The following NUP62CL variants were observed in gnomAD, a reference collection of about 807,000 sequenced individuals.
NUP62CL encodes nucleoporin-62 C-terminal-like protein.
NUP62CL carries 13 observed loss-of-function variants against 15.3 expected under a neutral mutation model. The observed-to-expected ratio is 0.85, with a 90% confidence interval of 0.55 to 1.35. The LOEUF (loss-of-function observed/expected upper bound fraction) is 1.35, where lower values mean the gene tolerates loss of function less well. Ranked by LOEUF, NUP62CL falls within the 40% of genes most tolerant of loss-of-function variation. The probability of loss-of-function intolerance (pLI) is 0.00; values close to 1 mark genes in which losing one functional copy is unlikely to be tolerated. For synonymous variants in NUP62CL, 54 were observed against 49.2 expected (o/e 1.10, Z -0.41); for missense variants, 123 against 130.6 (o/e 0.94, Z 0.28).
chrX:107,142,046 T>C (rs1925781869), intron 8 of NUP62CL, among the ~76,000 whole-genome samples: 1 of 109,677 alleles, frequency 9.1e-6, no homozygotes, highest in Non-Finnish European at 1.9e-5. Flanking sequence ...TGAGGCTCTG[T>C]CTCAAAAAAT....
intron 1 of NUP62CL, among the ~76,000 whole-genome samples, chrX:107,194,288 C>T (rs1228738720): frequency 1.8e-5 from 2 of 111,053 alleles, no homozygotes; most frequent in African/African-American, 3.3e-5. Flanking sequence ...CACACATACC[C>T]GTTATATACA....
chrX:107,184,229 T>G (rs1211687756), intron 2 of NUP62CL, among the ~76,000 whole-genome samples: 1 of 106,819 alleles, frequency 9.4e-6, no homozygotes, highest in African/African-American at 3.4e-5. Context: ...GTAAAACAAA[T>G]TCATCAACAA....
intron 3 of NUP62CL, among the ~76,000 whole-genome samples, chrX:107,169,022 T>A (rs1461000597): frequency 7.1e-5 from 8 of 112,400 alleles, no homozygotes; most frequent in Non-Finnish European, 1.1e-4. Context: ...TCCAATGTAC[T>A]ACTAGCAGCC....
intron 1 of NUP62CL, among the ~76,000 whole-genome samples, chrX:107,195,119 T>C (rs897635311): frequency 2.3e-4 from 26 of 111,193 alleles, no homozygotes; most frequent in African/African-American, 8.2e-4. Context: ...CAGGCCCCAA[T>C]TGTCAACACA....
intron 2 of NUP62CL, among the ~76,000 whole-genome samples, chrX:107,188,268 G>T (rs981773157): frequency 1.8e-5 from 2 of 110,384 alleles, no homozygotes; most frequent in African/African-American, 3.4e-5. Flanking sequence ...ATGACAAGTG[G>T]GATTTATTTC....
intron 8 of NUP62CL, among the ~76,000 whole-genome samples, chrX:107,146,481 G>A (rs936190448): frequency 8.9e-6 from 1 of 112,015 alleles, no homozygotes; most frequent in Non-Finnish European, 1.9e-5. Flanking sequence ...GCCAAGAAAT[G>A]ACAGTTTGAA....
intron 4 of NUP62CL, among the ~76,000 whole-genome samples, chrX:107,156,250 G>T (rs1452726765): frequency 3.6e-5 from 4 of 110,715 alleles, no homozygotes; most frequent in Admixed American, 9.5e-5. Context: ...CAAAGCAGCC[G>T]GGAAGCTCCA....
intron 1 of NUP62CL, among the ~76,000 whole-genome samples, chrX:107,200,157 C>G (rs1299745129): frequency 4.5e-5 from 5 of 111,837 alleles, no homozygotes; most frequent in Non-Finnish European, 9.4e-5. Context: ...ACATCTTAAG[C>G]AGTATAATTT....
In NUP62CL at chrX:107,154,319, C is replaced by T. The variant is rs1341508077; in HGVS notation, c.195-73G>A. 2.6e-5 allele frequency: 22 copies of T among 842,577 alleles called. No homozygotes were observed. In the Admixed American group the frequency reaches 6.6e-4, roughly 25 times the overall value. 69.4% of individuals were successfully genotyped at this position (842,577 alleles called of 1,213,427 possible). On this transcript the variant is annotated intron_variant, in intron 4 of 8. Coordinates refer to ENST00000372466, the MANE Select transcript of NUP62CL (RefSeq NM_017681.3). ...AGTGTGATCAGATTTTAAAAACGAA[C>T]ACAGGAGGACTCTGAGAAGAAAACA...
intron 1 of NUP62CL, among the ~76,000 whole-genome samples, chrX:107,194,807 C>CT (rs1927323251): frequency 1.1e-5 from 1 of 90,860 alleles, no homozygotes; most frequent in East Asian, 3.8e-4. Flanking sequence ...TCTTTTCTTT[C>CT]TCTCTTTTTT....
At chrX:107,198,368 TAA>T (rs1238050229) in intron 1 of NUP62CL, among the ~76,000 whole-genome samples, 1 of 111,651 alleles carries the variant, frequency 9.0e-6, no homozygotes, top group Non-Finnish European at 1.9e-5. Flanking sequence ...AATAAGGGAA[TAA>T]AAGCTGGCCA....
chrX:107,195,854 ATAT>A (rs1927350862), intron 1 of NUP62CL, among the ~76,000 whole-genome samples: 1 of 111,366 alleles, frequency 9.0e-6, no homozygotes, highest in African/African-American at 3.3e-5. Flanking sequence ...ATAAATTATA[ATAT>A]TATTATAGGT....
chrX:107,170,136 C>CA (rs1343489841), intron 3 of NUP62CL, among the ~76,000 whole-genome samples: 5 of 90,036 alleles, frequency 5.6e-5, no homozygotes, highest in Non-Finnish European at 8.7e-5. Flanking sequence ...GATTCTGTCT[C>CA]AAAAAAAATA....
At position 107,175,190 on chromosome X, in the gene NUP62CL, A is replaced by G; in HGVS notation, c.-44T>C. Reference sequence around the variant, plus strand: ...GGTGGCAACAGCAGCTGCTGGAGCCAAACCTAAAAATCAAAGTAACAAACA... The same window carrying G: ...GGTGGCAACAGCAGCTGCTGGAGCCGAACCTAAAAATCAAAGTAACAAACA... On this transcript the variant is annotated 5_prime_UTR_variant, in exon 3 of 9. Transcript: ENST00000372466. 1 of 994,908 alleles carries G rather than the reference A, an allele frequency of 1.0e-6. No homozygotes were observed. Among genetic ancestry groups the G allele is most frequent in the Non-Finnish European group, 1.4e-6 (1 of 717,306 alleles). The allele number at this position is 994,908 out of a possible 1,213,427, so 82.0% of individuals were successfully genotyped here.
chrX:107,203,283 G>A lies in NUP62CL; in HGVS notation c.-92+2990C>T, dbSNP rs775923004. 3.1e-3 allele frequency among the ~76,000 whole-genome samples: 310 copies of A among 99,977 alleles called. 2 individuals are homozygous for A. The highest frequency in any genetic ancestry group is 0.011 in the African/African-American group (284 of 26,836). 86.8% of individuals were successfully genotyped at this position (99,977 alleles called of 115,157 possible). A position where few individuals can be genotyped will look rare whatever the true frequency, so the allele number is the denominator to read the frequency against. ...TTTTGAGACACAATCTTGTTCTGTC[G>A]CCCAGGCTGGAGTGCAGTGGCGTAA... On this transcript the variant is annotated intron_variant, in intron 1 of 8. Coordinates refer to ENST00000372466, the MANE Select transcript of NUP62CL (RefSeq NM_017681.3).
At chrX:107,171,257 A>T (rs139378109) in intron 3 of NUP62CL, among the ~76,000 whole-genome samples, 1,762 of 111,840 alleles carry the variant, frequency 0.016, 49 homozygotes, top group African/African-American at 0.054. Flanking sequence ...GAAGAGAAAG[A>T]AAGGTAAGTA....
intron 3 of NUP62CL, among the ~76,000 whole-genome samples, chrX:107,168,198 G>A (rs1229642117): frequency 8.9e-5 from 10 of 111,796 alleles, no homozygotes; most frequent in Non-Finnish European, 1.9e-4. Flanking sequence ...CTGTATCTGT[G>A]TAATTAATTC....
chrX:107,154,981 C>T (rs1926140989), intron 4 of NUP62CL, among the ~76,000 whole-genome samples: 1 of 111,923 alleles, frequency 8.9e-6, no homozygotes, highest in Admixed American at 9.4e-5. Context: ...TTAGGCTTCA[C>T]CTCTTGCCTC....
At chrX:107,151,435 G>A (rs747864431) in intron 7 of NUP62CL, among the ~76,000 whole-genome samples, 1 of 110,261 alleles carries the variant, frequency 9.1e-6, no homozygotes, top group Non-Finnish European at 1.9e-5. Flanking sequence ...TTTGAGAAAT[G>A]AGCTTCACAA....
Sources: gnomAD v4.1 joint callset for allele counts (sites outside exome capture counted in the v4.1 genomes callset) on GRCh38, gnomAD v4.1.1 for gene constraint, MANE v1.5 for transcripts, NCBI Gene and HGNC (gene_info 2026-07-23, HGNC 2026-07-21) for gene names.